The following FHIT variants were observed in gnomAD, a reference collection of about 807,000 sequenced individuals.
FHIT encodes fragile histidine triad diadenosine triphosphatase, also known as bis(5'-adenosyl)-triphosphatase.
Under a neutral mutation model 17.9 loss-of-function variants are expected in FHIT, and 19 were observed. The observed-to-expected ratio is 1.06, with a 90% confidence interval of 0.74 to 1.56. The LOEUF (loss-of-function observed/expected upper bound fraction) is 1.56. Among genes scored for constraint, FHIT ranks in the 40% most tolerant of loss-of-function variants. FHIT has a pLI of 0.00. For synonymous variants in FHIT, 81 were observed against 69.7 expected (o/e 1.16, Z -0.81); for missense variants, 248 against 189.2 (o/e 1.31, Z -1.82).
intron 4 of FHIT, among the ~76,000 whole-genome samples, chr3:60,600,764 A>G (rs529727513): frequency 1.1e-3 from 172 of 152,302 alleles, no homozygotes; most frequent in Non-Finnish European, 1.9e-3. Context: ...GAGAAAAACA[A>G]CTTTGTTATA....
At chr3:60,824,192 C>T (rs1553740230) in intron 3 of FHIT, among the ~76,000 whole-genome samples, 2 of 152,170 alleles carry the variant, frequency 1.3e-5, no homozygotes, top group Non-Finnish European at 2.9e-5. Flanking sequence ...ACTTAGGAGG[C>T]TCCTGCAGTT....
intron 5 of FHIT, among the ~76,000 whole-genome samples, chr3:60,066,978 C>T (rs1021267609): frequency 1.2e-4 from 18 of 152,154 alleles, no homozygotes; most frequent in African/African-American, 3.6e-4. Context: ...ACTGACACAG[C>T]GCTTCATGTT....
intron 5 of FHIT, among the ~76,000 whole-genome samples, chr3:60,220,428 A>T (rs1703909072): frequency 1.3e-5 from 2 of 152,152 alleles, no homozygotes; most frequent in East Asian, 3.8e-4. Flanking sequence ...AATGCCCAAG[A>T]GATATTAATT....
intron 5 of FHIT, among the ~76,000 whole-genome samples, chr3:60,214,521 T>C (rs1238084077): frequency 2.0e-5 from 3 of 152,152 alleles, no homozygotes; most frequent in Non-Finnish European, 4.4e-5. Flanking sequence ...CACACCATGC[T>C]GGTGAGGCGA....
intron 5 of FHIT, among the ~76,000 whole-genome samples, chr3:60,212,061 G>A (rs894362422): frequency 1.3e-5 from 2 of 152,230 alleles, no homozygotes; most frequent in Non-Finnish European, 2.9e-5. Flanking sequence ...GTCTGCTCAC[G>A]CCCAGCATCG....
At chr3:60,942,023 T>C (rs561476907) in intron 3 of FHIT, among the ~76,000 whole-genome samples, 3 of 152,302 alleles carry the variant, frequency 2.0e-5, no homozygotes, top group South Asian at 4.1e-4. Flanking sequence ...AGTCTTGCAC[T>C]GTCGCCCAGG....
intron 3 of FHIT, among the ~76,000 whole-genome samples, chr3:60,872,005 T>C (rs1330138415): frequency 2.0e-5 from 3 of 151,990 alleles, no homozygotes; most frequent in Admixed American, 6.6e-5. Flanking sequence ...AAAATACAAA[T>C]GGAGTTCAAC....
chr3:60,926,283 C>T (rs1553769856), intron 3 of FHIT, among the ~76,000 whole-genome samples: 2 of 152,164 alleles, frequency 1.3e-5, no homozygotes, highest in African/African-American at 2.4e-5. Context: ...ACACCTATTC[C>T]AAAATTGACT....
intron 1 of FHIT, among the ~76,000 whole-genome samples, chr3:61,214,675 G>C (rs1429001999): frequency 6.6e-6 from 1 of 152,116 alleles, no homozygotes; most frequent in African/African-American, 2.4e-5. Flanking sequence ...GCATCATCCT[G>C]ATACCAAAGC....
In FHIT at chr3:60,961,507, G is replaced by A. The variant is rs570857128; in HGVS notation, c.-111+80540C>T. ...TTTTAGTCATAAAGCCCTTACCCAT[G>A]CCTATATCCTGAATGGTATTGCCTA... On this transcript the variant is annotated intron_variant, in intron 3 of 9. Coordinates refer to ENST00000492590, the MANE Select transcript of FHIT (RefSeq NM_002012.4). Among the ~76,000 whole-genome samples the A allele has an allele frequency of 1.1e-3, 165 of 152,258 alleles. 3 individuals carry two copies. The highest frequency in any genetic ancestry group is 3.7e-3 in the African/African-American group (155 of 41,552).
intron 5 of FHIT, among the ~76,000 whole-genome samples, chr3:60,171,581 C>CT: frequency 6.6e-6 from 1 of 152,266 alleles, no homozygotes; most frequent in East Asian, 1.9e-4. Context: ...TGCCACTTTT[C>CT]TTTTTTCACG....
intron 8 of FHIT, among the ~76,000 whole-genome samples, chr3:59,849,312 G>T (rs1701842608): frequency 6.6e-6 from 1 of 152,128 alleles, no homozygotes; most frequent in Non-Finnish European, 1.5e-5. Context: ...GGTGGAGGTT[G>T]CAGTGAGCTG....
intron 3 of FHIT, among the ~76,000 whole-genome samples, chr3:60,912,331 T>C (rs1706789204): frequency 1.3e-5 from 2 of 152,238 alleles, no homozygotes; most frequent in East Asian, 3.9e-4. Flanking sequence ...TACCGGGAAA[T>C]GAATCCTGGC....
At chr3:60,960,688 T>C in intron 3 of FHIT, among the ~76,000 whole-genome samples, 1 of 152,202 alleles carries the variant, frequency 6.6e-6, no homozygotes, top group African/African-American at 2.4e-5. Context: ...ATGCAGTGTT[T>C]GGTTTTCTGT....
At chr3:59,904,279 C>A (rs1575671491) in intron 8 of FHIT, among the ~76,000 whole-genome samples, 10 of 121,396 alleles carry the variant, frequency 8.2e-5, no homozygotes, top group Non-Finnish European at 1.0e-4. Flanking sequence ...GAATTAAGCA[C>A]AAACTTGTGC....
chr3:60,327,674 C>T (rs999580621), intron 5 of FHIT, among the ~76,000 whole-genome samples: 1 of 152,144 alleles, frequency 6.6e-6, no homozygotes, highest in African/African-American at 2.4e-5. Flanking sequence ...AAAAGACAAC[C>T]ACTACCAGAT....
At chr3:59,884,249 G>A (rs1265429538) in intron 8 of FHIT, among the ~76,000 whole-genome samples, 2 of 152,160 alleles carry the variant, frequency 1.3e-5, no homozygotes, top group Non-Finnish European at 2.9e-5. Flanking sequence ...AAAGATTGGT[G>A]TATATTTTAT....
At chr3:60,350,447 A>T (rs764629918) in intron 5 of FHIT, among the ~76,000 whole-genome samples, 48 of 152,152 alleles carry the variant, frequency 3.2e-4, no homozygotes, top group Non-Finnish European at 5.1e-4. Context: ...ACAAATAGCA[A>T]TTTCTACATA....
intron 3 of FHIT, among the ~76,000 whole-genome samples, chr3:61,029,664 T>C (rs946026550): frequency 6.6e-6 from 1 of 152,120 alleles, no homozygotes; most frequent in Non-Finnish European, 1.5e-5. Flanking sequence ...TCAACCAAAT[T>C]AGAGAGAAAA....
Sources: gnomAD v4.1 joint callset for allele counts (sites outside exome capture counted in the v4.1 genomes callset) on GRCh38, gnomAD v4.1.1 for gene constraint, MANE v1.5 for transcripts, NCBI Gene and HGNC (gene_info 2026-07-23, HGNC 2026-07-21) for gene names.